The following HEATR4 variants were observed in gnomAD, a reference collection of about 807,000 sequenced individuals.
HEATR4 encodes HEAT repeat containing 4.
HEATR4 carries 95 observed loss-of-function variants against 108.8 expected under a neutral mutation model. The ratio of observed to expected loss-of-function variants is 0.87; its 90% CI spans 0.74 to 1.04. The LOEUF (loss-of-function observed/expected upper bound fraction) is 1.04. Among genes scored for constraint, HEATR4 ranks in the 50% least tolerant of loss-of-function variants. The pLI is 0.00. For missense variants in HEATR4, 1,152 were observed against 1,253.8 expected, an observed-to-expected ratio of 0.92 and a Z score of 1.23; for synonymous variants, 443 against 459.4, an observed-to-expected ratio of 0.96 and a Z score of 0.46.
At chr14:73,578,431 G>T in the HEATR4 span, among the ~76,000 whole-genome samples, 1 of 151,888 alleles carries the variant, frequency 6.6e-6, no homozygotes, top group Non-Finnish European at 1.5e-5. Context: ...GTTTCACCAT[G>T]TTGCCCAGGC....
the HEATR4 span, among the ~76,000 whole-genome samples, chr14:73,624,145 C>T: frequency 1.1e-4 from 16 of 151,972 alleles, no homozygotes; most frequent in African/African-American, 2.4e-4. Flanking sequence ...TTTTTTGATA[C>T]GGCATCTTGC....
At chr14:73,593,643 A>G in the HEATR4 span, 2 of 1,495,050 alleles carry the variant, frequency 1.3e-6, no homozygotes, top group Non-Finnish European at 1.8e-6. Flanking sequence ...GTGTCCAGCC[A>G]GGAAAGCAAA....
the HEATR4 span, among the ~76,000 whole-genome samples, chr14:73,584,176 A>G: frequency 6.6e-6 from 1 of 151,776 alleles, no homozygotes; most frequent in East Asian, 1.9e-4. Context: ...GAGAAGAATC[A>G]TGAGAAAGAG....
At chr14:73,538,022 G>T (rs1230086726) in intron 1 of HEATR4, 3 of 729,566 alleles carry the variant, frequency 4.1e-6, no homozygotes, top group Non-Finnish European at 5.5e-6. Flanking sequence ...CCACCACCCC[G>T]GGCTATGTTG....
chr14:73,617,303 C>A, the HEATR4 span: 1 of 1,421,384 alleles, frequency 7.0e-7, no homozygotes, highest in Non-Finnish European at 9.9e-7. Context: ...CAGGAGATAC[C>A]AAGTCTCCTT....
intron 17 of HEATR4, 125 bp from the exon 18 acceptor site, chr14:73,478,967 C>T (rs1885126138): frequency 3.1e-6 from 2 of 646,754 alleles, no homozygotes; most frequent in Admixed American, 2.9e-5. Context: ...GAGACGGAGT[C>T]CCACTCTGTC....
At chr14:73,604,315 C>A in the HEATR4 span, among the ~76,000 whole-genome samples, 1 of 151,592 alleles carries the variant, frequency 6.6e-6, no homozygotes, top group African/African-American at 2.4e-5. Flanking sequence ...CAGGCGCCTG[C>A]CACCATGCCT....
chr14:73,586,891 G>A, the HEATR4 span, among the ~76,000 whole-genome samples: 1 of 151,964 alleles, frequency 6.6e-6, no homozygotes, highest in Non-Finnish European at 1.5e-5. Context: ...TTTTTGTAGA[G>A]ATGGAGTCTT....
chr14:73,536,502 A>G (rs1404969236), intron 1 of HEATR4, among the ~76,000 whole-genome samples: 1 of 86,008 alleles, frequency 1.2e-5, no homozygotes, highest in African/African-American at 3.9e-5. Flanking sequence ...CAACGTAGTG[A>G]GACCCTGTCT....
the HEATR4 span, among the ~76,000 whole-genome samples, chr14:73,578,231 C>CTTTTT: frequency 1.4e-5 from 2 of 139,348 alleles, no homozygotes; most frequent in Non-Finnish European, 3.1e-5. Context: ...GACATTTCAT[C>CTTTTT]TTTTTTTTTT....
Position 73,514,135 on chromosome 14 carries a change from G to T in HEATR4, c.1310C>A (p.Thr437Asn). ...QVGEKDVPIK[T>N]RRLKKQAKSL... ...TTTTGCCTGCTTCTTCAATCTCCTG[G>T]TCTTAATAGGCACATCCTTCTCACC... Residue 437 changes from threonine (T) to asparagine (N), a missense_variant, in exon 6 of 18, where the codon ACC becomes AAC. Thr to Asn is a moderately conservative substitution (Grantham distance 65, BLOSUM62 0). Coordinates refer to ENST00000553558, the MANE Select transcript of HEATR4 (RefSeq NM_001220484.1). 1 of 1,614,116 alleles carries T rather than the reference G, an allele frequency of 6.2e-7. No homozygotes were observed. The highest frequency in any genetic ancestry group is 8.5e-7 in the Non-Finnish European group (1 of 1,180,034).
intron 17 of HEATR4, chr14:73,490,887 TG>T: frequency 1.0e-6 from 1 of 972,482 alleles, no homozygotes; most frequent in African/African-American, 1.7e-5. Flanking sequence ...AGAAGAATGA[TG>T]GGCGTGGCCA....
At chr14:73,591,878 C>G in the HEATR4 span, 1 of 1,285,516 alleles carries the variant, frequency 7.8e-7, no homozygotes, top group Non-Finnish European at 1.0e-6. Context: ...ACGCCGGACG[C>G]CGTCCGGACA....
the HEATR4 span, among the ~76,000 whole-genome samples, chr14:73,621,820 G>T: frequency 1.5e-5 from 2 of 134,660 alleles, no homozygotes; most frequent in Non-Finnish European, 3.0e-5. Context: ...CTGGAGTATA[G>T]TGGCATGATC....
chr14:73,609,499 T>C, the HEATR4 span, among the ~76,000 whole-genome samples: 1 of 152,078 alleles, frequency 6.6e-6, no homozygotes, highest in East Asian at 1.9e-4. Context: ...TCTATGAAAT[T>C]TTTGGTACCA....
chr14:73,582,952 T>C, the HEATR4 span: 1 of 152,068 alleles, frequency 6.6e-6, no homozygotes, highest in Admixed American at 6.6e-5. Context: ...TTAAATTCTT[T>C]TAAACCAGAT....
At chr14:73,517,455 T>A (rs1303641187) in intron 5 of HEATR4, 1 of 151,996 alleles carries the variant, frequency 6.6e-6, no homozygotes, top group Non-Finnish European at 1.5e-5. Context: ...AGAGGGTGCA[T>A]CACTTGAGCC....
At chr14:73,491,467 C>T (rs1291206633) in intron 17 of HEATR4, 2 of 1,481,078 alleles carry the variant, frequency 1.4e-6, no homozygotes, top group South Asian at 1.3e-5. Flanking sequence ...CCCTGCTGTG[C>T]ACCGCGCAAC....
chr14:73,550,527 G>A (rs1172219666), intron 1 of HEATR4, among the ~76,000 whole-genome samples: 1 of 113,222 alleles, frequency 8.8e-6, no homozygotes, highest in African/African-American at 2.9e-5. Context: ...AAGACCACCC[G>A]GAACATGCTT....
Sources: allele counts gnomAD v4.1 joint callset (sites outside exome capture counted in the v4.1 genomes callset), GRCh38; gene constraint gnomAD v4.1.1; transcripts MANE v1.5; gene names NCBI Gene and HGNC (gene_info 2026-07-23, HGNC 2026-07-21).